PDE1C: variants seen among roughly 807,000 people sequenced by gnomAD.
PDE1C encodes the protein dual specificity calcium/calmodulin-dependent 3',5'-cyclic nucleotide phosphodiesterase 1C.
In PDE1C, 62 loss-of-function variants were observed where a neutral mutation model predicts 93.1. The observed-to-expected ratio is 0.67, with a 90% CI of 0.54 to 0.82. PDE1C has a LOEUF of 0.82. PDE1C is among the 40% of genes least tolerant of loss of function. The pLI is 0.00. For synonymous variants in PDE1C, 325 were observed against 310.1 expected (o/e 1.05, Z -0.50); for missense variants, 742 against 884.6 (o/e 0.84, Z 2.04).
chr7:32,394,533 C>A (rs1289724467), intron 1 of PDE1C, among the ~76,000 whole-genome samples: 3 of 152,172 alleles, frequency 2.0e-5, no homozygotes, highest in African/African-American at 7.2e-5. Flanking sequence ...CTGGGTTGGG[C>A]ACATTGACTC....
chr7:31,729,307 C>T, the PDE1C span, among the ~76,000 whole-genome samples: 8 of 152,326 alleles, frequency 5.3e-5, no homozygotes, highest in East Asian at 1.5e-3. Context: ...GCTTAGCTTA[C>T]ATGAATTCCA....
intron 7 of PDE1C, among the ~76,000 whole-genome samples, chr7:31,855,418 A>C (rs1052391419): frequency 2.6e-5 from 4 of 152,064 alleles, no homozygotes; most frequent in African/African-American, 2.4e-5. Flanking sequence ...ATCCAGGCTA[A>C]TCTCCCTATT....
chr7:31,679,668 A>G, the PDE1C span, among the ~76,000 whole-genome samples: 1 of 152,214 alleles, frequency 6.6e-6, no homozygotes. Flanking sequence ...CCTTTGGGAA[A>G]ATATATGTGC....
chr7:32,121,867 A>T (rs1314521954), intron 3 of PDE1C, among the ~76,000 whole-genome samples: 1 of 152,250 alleles, frequency 6.6e-6, no homozygotes, highest in Non-Finnish European at 1.5e-5. Context: ...ATTCACACAT[A>T]ATAATACTAA....
intron 1 of PDE1C, among the ~76,000 whole-genome samples, chr7:32,248,371 G>A (rs1263423006): frequency 6.6e-6 from 1 of 152,158 alleles, no homozygotes; most frequent in Non-Finnish European, 1.5e-5. Flanking sequence ...AAATACTTAG[G>A]TATACAAGCC....
At chr7:32,132,891 T>C (rs1209310640) in intron 3 of PDE1C, among the ~76,000 whole-genome samples, 1 of 152,168 alleles carries the variant, frequency 6.6e-6, no homozygotes, top group African/African-American at 2.4e-5. Flanking sequence ...ATGTGGGATT[T>C]GTGATAAAAC....
At chr7:32,249,533 G>A (rs1312233820) in intron 1 of PDE1C, among the ~76,000 whole-genome samples, 1 of 152,174 alleles carries the variant, frequency 6.6e-6, no homozygotes, top group Non-Finnish European at 1.5e-5. Flanking sequence ...GTTCATGCCT[G>A]TAGCAAGAGG....
In PDE1C at chr7:32,186,103, T is replaced by G. The variant is rs753446248; in HGVS notation, c.137-16147A>C. On this transcript the variant is annotated intron_variant, in intron 2 of 18. Transcript: ENST00000396193. ...TGTTTTTTTGTTTTTTTTTTTTTTT[T>G]TTTTTTTTTTGAGACGGAGTCTCGC... Among the ~76,000 whole-genome samples, 1,438 of 144,598 alleles carry G rather than the reference T, an allele frequency of 9.9e-3. 16 individuals are homozygous for G. Among genetic ancestry groups the G allele is most frequent in the Non-Finnish European group, 0.016 (1,060 of 66,876 alleles). The allele number at this position is 144,598 out of a possible 152,430, so 94.9% of individuals were successfully genotyped here.
At chr7:32,020,532 T>G (rs1475660739) in intron 2 of PDE1C, among the ~76,000 whole-genome samples, 1 of 152,088 alleles carries the variant, frequency 6.6e-6, no homozygotes, top group Admixed American at 6.6e-5. Context: ...GTTGGCCACT[T>G]AAACCAAATT....
chr7:31,860,986 C>G (rs921576052), intron 7 of PDE1C, among the ~76,000 whole-genome samples: 1 of 152,058 alleles, frequency 6.6e-6, no homozygotes, highest in Admixed American at 6.6e-5. Flanking sequence ...TGTCTATAGT[C>G]ATGTCTTCAT....
chr7:31,855,248 T>C (rs1198912302), intron 7 of PDE1C, among the ~76,000 whole-genome samples: 8 of 152,076 alleles, frequency 5.3e-5, no homozygotes, highest in Non-Finnish European at 2.9e-5. Flanking sequence ...ATTCAGGGCA[T>C]TGGCAGAATT....
chr7:32,045,432 T>C (rs922583272), intron 2 of PDE1C, among the ~76,000 whole-genome samples: 5 of 152,154 alleles, frequency 3.3e-5, no homozygotes, highest in Admixed American at 6.5e-5. Context: ...ACTTTGAGAC[T>C]GTATTATTAG....
rs756169656 is a variant in PDE1C, at chr7:31,874,775, C to A, written c.493-1367G>T. Among the ~76,000 whole-genome samples, 7 of 152,226 alleles carry A rather than the reference C, an allele frequency of 4.6e-5. 1 individual carries two copies. Among genetic ancestry groups the A allele is most frequent in the Admixed American group, 2.0e-4 (3 of 15,292 alleles). ...AAATAACCAAAGAAATAGTGACAGG[C>A]ACATTTCTGTGAGCACATTTTCTGT... On this transcript the variant is annotated intron_variant, in intron 5 of 17. Coordinates refer to ENST00000396191, the MANE Select transcript of PDE1C (RefSeq NM_001191057.4).
chr7:32,402,724 T>C (rs463100), intron 1 of PDE1C, among the ~76,000 whole-genome samples: 140,788 of 152,258 alleles, frequency 0.92, 65,842 homozygotes, highest in East Asian at 1. Context: ...CTCTCCAAGC[T>C]TCTTTTATCT....
At chr7:31,847,920 C>T (rs1468947429) in intron 9 of PDE1C, 48 bp downstream of exon 9, 2 of 1,605,470 alleles carry the variant, frequency 1.2e-6, no homozygotes, top group Non-Finnish European at 1.7e-6. Context: ...CATCCAACTT[C>T]AAAGTTCCTT....
chr7:31,659,920 A>C, the PDE1C span, among the ~76,000 whole-genome samples: 1 of 152,136 alleles, frequency 6.6e-6, no homozygotes, highest in African/African-American at 2.4e-5. Flanking sequence ...AGTTCCCATA[A>C]TCCCCACATG....
Position 32,134,831 on chromosome 7 carries a change from T to C in PDE1C, c.308+34954A>G, listed in dbSNP as rs145613588. On this transcript the variant is annotated intron_variant, in intron 3 of 18. Transcript: ENST00000396193. ...CATGTGGGGCTTAAAGCCTAGATGA[T>C]TGATTGATGGGTGCAGCAAACCACG... Among the ~76,000 whole-genome samples the C allele has an allele frequency of 1.1e-3, 172 of 152,240 alleles. No individual in the cohort carries two copies. The Middle Eastern group carries it at 0.017, about 15-fold the overall frequency.
intron 3 of PDE1C, among the ~76,000 whole-genome samples, chr7:32,143,254 T>C (rs1297478144): frequency 6.6e-6 from 1 of 150,856 alleles, no homozygotes; most frequent in Non-Finnish European, 1.5e-5. Context: ...GGTACTTAAG[T>C]TTTGTAAGCA....
chr7:32,333,278 C>T (rs536888706), intron 1 of PDE1C, among the ~76,000 whole-genome samples: 9 of 152,260 alleles, frequency 5.9e-5, no homozygotes, highest in Admixed American at 4.6e-4. Flanking sequence ...ATGTTGTTAT[C>T]ACAGAATTTT....
Sources: allele counts gnomAD v4.1 joint callset (sites outside exome capture counted in the v4.1 genomes callset), GRCh38; gene constraint gnomAD v4.1.1; transcripts MANE v1.5; gene names NCBI Gene and HGNC (gene_info 2026-07-23, HGNC 2026-07-21).